Variants in SORCS2 observed in about 807,000 individuals in gnomAD.
SORCS2 encodes the protein sortilin related VPS10 domain containing receptor 2, also known as VPS10 domain-containing receptor SorCS2.
SORCS2 carries 100 observed loss-of-function variants against 141.6 expected under a neutral mutation model. The ratio of observed to expected loss-of-function variants is 0.71; its 90% confidence interval spans 0.60 to 0.83. The LOEUF is 0.83. Ranked by LOEUF, SORCS2 falls within the 40% of genes least tolerant of loss-of-function variation. The pLI is 0.00. For missense variants in SORCS2, 1,646 were observed against 1,560.2 expected (o/e 1.05, Z -0.93); for synonymous variants, 789 against 676.9 (o/e 1.17, Z -2.57).
chr4:7,566,371 T>C (rs898929076), intron 3 of SORCS2, among the ~76,000 whole-genome samples: 4 of 152,180 alleles, frequency 2.6e-5, no homozygotes, highest in Non-Finnish European at 4.4e-5. Context: ...ATGACTCTGC[T>C]ACTGCTGCTG....
chr4:7,663,216 A>ATGAGTGAGTGAAGAGTGAATAAG lies in SORCS2; in HGVS notation c.953-1101_953-1079dup, dbSNP rs1184736476. On this transcript the variant is annotated intron_variant, in intron 6 of 26. Transcript: ENST00000507866. The surrounding 1 kb of genome is among the most constrained non-coding windows in gnomAD (Gnocchi z 4.8). Reference sequence around the variant, plus strand: ...GAGTGAAGAGTGAATGAGTGAGTGAATGAGTGAGTGAAGAGTGAATAAGTG... The same window carrying ATGAGTGAGTGAAGAGTGAATAAG: ...GAGTGAAGAGTGAATGAGTGAGTGAATGAGTGAGTGAAGAGTGAATAAGTGAGTGAGTGAAGAGTGAATAAGTG... 1.3e-5 allele frequency among the ~76,000 whole-genome samples: 2 copies of ATGAGTGAGTGAAGAGTGAATAAG among 150,822 alleles called. No individual in the cohort carries two copies. Among genetic ancestry groups the ATGAGTGAGTGAAGAGTGAATAAG allele is most frequent in the Non-Finnish European group, 2.9e-5 (2 of 67,836 alleles).
At chr4:7,546,425 A>C (rs1178646736) in intron 3 of SORCS2, among the ~76,000 whole-genome samples, 1 of 150,706 alleles carries the variant, frequency 6.6e-6, no homozygotes. Flanking sequence ...GCTGCCCCCC[A>C]CCTCCCTGCC....
At position 7,372,912 on chromosome 4, in the gene SORCS2, G is replaced by A. The variant is rs1057497812; in HGVS notation, c.481-23376G>A. ...TGTCTGTTCGTGACGTCAGGAGTTC[G>A]TGCCTCTTTGGTGCAACGCAGTCTT... On this transcript the variant is annotated intron_variant, in intron 1 of 26. Transcript: ENST00000507866. Among the ~76,000 whole-genome samples the A allele has an allele frequency of 4.6e-5, 7 of 151,964 alleles. No individual in the cohort carries two copies. The East Asian group carries it at 9.7e-4, about 21-fold the overall frequency.
At chr4:7,452,098 A>G (rs1156735425) in intron 2 of SORCS2, among the ~76,000 whole-genome samples, 1 of 149,336 alleles carries the variant, frequency 6.7e-6, no homozygotes, top group African/African-American at 2.5e-5. Flanking sequence ...CACACCCGAT[A>G]CCACTGACCC....
At chr4:7,418,790 G>A (rs1334450130) in intron 2 of SORCS2, among the ~76,000 whole-genome samples, 1 of 151,230 alleles carries the variant, frequency 6.6e-6, no homozygotes, top group Non-Finnish European at 1.5e-5. Context: ...GCTGGGCTCA[G>A]CTGGCTGGAT....
intron 9 of SORCS2, among the ~76,000 whole-genome samples, chr4:7,681,294 G>A (rs1723511255): frequency 6.6e-6 from 1 of 152,218 alleles, no homozygotes; most frequent in African/African-American, 2.4e-5. Context: ...CAGCAGACAG[G>A]AAGATGACCT....
chr4:7,220,635 A>C (rs12647848), intron 1 of SORCS2, among the ~76,000 whole-genome samples: 39,314 of 151,980 alleles, frequency 0.26, 5,461 homozygotes, highest in East Asian at 0.45. Context: ...GGGACAGTTG[A>C]TATTTCCCCA....
intron 11 of SORCS2, among the ~76,000 whole-genome samples, chr4:7,694,195 T>C (rs1724448319): frequency 6.6e-6 from 1 of 152,122 alleles, no homozygotes; most frequent in Admixed American, 6.5e-5. Context: ...CTCCTACCAC[T>C]CTGCTGGCAT....
chr4:7,706,625 T>C (rs1163048867), intron 14 of SORCS2, among the ~76,000 whole-genome samples: 6 of 138,178 alleles, frequency 4.3e-5, no homozygotes, highest in African/African-American at 8.3e-5. Context: ...GGCTGGCCTC[T>C]GCCTGGACAG....
intron 2 of SORCS2, among the ~76,000 whole-genome samples, chr4:7,451,275 T>TCAGCAG (rs1208142197): frequency 3.7e-4 from 56 of 152,312 alleles, no homozygotes; most frequent in African/African-American, 1.2e-3. Flanking sequence ...GCCTAGGTCT[T>TCAGCAG]CAGCAGCAGC....
chr4:7,274,806 G>T lies in SORCS2; in HGVS notation c.480+81680G>T, dbSNP rs182586345. Among the ~76,000 whole-genome samples, 216 of 152,318 alleles carry T rather than the reference G, an allele frequency of 1.4e-3. 2 individuals are homozygous for T. The highest frequency in any genetic ancestry group is 5.4e-3 in the South Asian group (26 of 4,828). ...TGTGGGCCTGGTGTATCCCACATCA[G>T]TGTCTTCTGGGGGAGGGGTGTCAGG... is the stretch of plus-strand genomic sequence containing the variant. On this transcript the variant is annotated intron_variant, in intron 1 of 26. Transcript: ENST00000507866.
chr4:7,212,444 G>C (rs1728109333), intron 1 of SORCS2, among the ~76,000 whole-genome samples: 1 of 152,208 alleles, frequency 6.6e-6, no homozygotes, highest in Non-Finnish European at 1.5e-5. Flanking sequence ...GAATTCCTAA[G>C]CTCACAGAAC....
intron 1 of SORCS2, among the ~76,000 whole-genome samples, chr4:7,308,354 C>T (rs1381609900): frequency 6.6e-6 from 1 of 152,198 alleles, no homozygotes. Context: ...TGTTGAGCAG[C>T]TTCTCCTCTG....
At chr4:7,349,446 G>A (rs996752452) in intron 1 of SORCS2, among the ~76,000 whole-genome samples, 20 of 152,114 alleles carry the variant, frequency 1.3e-4, no homozygotes, top group Non-Finnish European at 2.1e-4. Context: ...GGTGTCCTGC[G>A]CCAGGCTGCC....
At chr4:7,688,465 A>G (rs1036852617) in intron 10 of SORCS2, among the ~76,000 whole-genome samples, 2 of 152,250 alleles carry the variant, frequency 1.3e-5, no homozygotes, top group African/African-American at 2.4e-5. Flanking sequence ...TCAGTAAACA[A>G]TTGGGCAGTA....
At chr4:7,417,880 G>C (rs902656448) in intron 2 of SORCS2, among the ~76,000 whole-genome samples, 2 of 152,192 alleles carry the variant, frequency 1.3e-5, no homozygotes, top group Non-Finnish European at 2.9e-5. Context: ...GGGTGAGGGG[G>C]AGCAGCCCCA....
rs572655059 is a variant in SORCS2, at chr4:7,673,786, G to A, written c.1162-2264G>A. On this transcript the variant is annotated intron_variant, in intron 8 of 26. Transcript: ENST00000507866. ...GACTTGCTGCAATCGCTGTAAATACGGCATCCTGACGACATGGTTGACGCC... is the reference window on the plus strand; with the variant it reads ...GACTTGCTGCAATCGCTGTAAATACAGCATCCTGACGACATGGTTGACGCC... Among the ~76,000 whole-genome samples, 6 of 152,198 alleles carry A rather than the reference G, an allele frequency of 3.9e-5. No homozygotes were observed. In the South Asian group the frequency reaches 6.2e-4, roughly 16 times the overall value.
intron 4 of SORCS2, among the ~76,000 whole-genome samples, chr4:7,646,081 C>G (rs182401280): frequency 6.6e-6 from 1 of 152,256 alleles, no homozygotes; most frequent in African/African-American, 2.4e-5. Context: ...CCACGGATTC[C>G]GGGCTACCGC....
intron 2 of SORCS2, among the ~76,000 whole-genome samples, chr4:7,467,185 A>T (rs1407991825): frequency 6.6e-6 from 1 of 152,132 alleles, no homozygotes; most frequent in East Asian, 1.9e-4. Context: ...GATGTCCAGG[A>T]GGCAGCAAGG....
Sources: gnomAD v4.1 joint callset for allele counts (sites outside exome capture counted in the v4.1 genomes callset) on GRCh38, gnomAD v4.1.1 for gene constraint, Gnocchi (gnomAD v3.1) non-coding constraint, MANE v1.5 for transcripts, NCBI Gene and HGNC (gene_info 2026-07-23, HGNC 2026-07-21) for gene names.